Variants in FLVCR2 observed in about 807,000 individuals in gnomAD.
FLVCR2 encodes the protein choline/ethanolamine transporter FLVCR2.
FLVCR2 carries 38 observed loss-of-function variants against 48.9 expected under a neutral mutation model. The ratio of observed to expected loss-of-function variants is 0.78; its 90% CI spans 0.60 to 1.02. The LOEUF is 1.02. Among genes scored for constraint, FLVCR2 ranks in the 50% least tolerant of loss-of-function variants. The probability of loss-of-function intolerance (pLI) is 0.00; values close to 1 mark genes in which losing one functional copy is unlikely to be tolerated. For missense variants in FLVCR2, 664 were observed against 663.3 expected (o/e 1.00, Z -0.01); for synonymous variants, 255 against 257.0 (o/e 0.99, Z 0.07).
rs754536281 is a variant in FLVCR2, at chr14:75,646,508, C to T, written c.*36C>T. 1 of 1,441,556 alleles carries T rather than the reference C, an allele frequency of 6.9e-7. No individual in the cohort carries two copies. Among genetic ancestry groups the T allele is most frequent in the South Asian group, 1.1e-5 (1 of 87,600 alleles). 89.3% of individuals were successfully genotyped at this position (1,441,556 alleles called of 1,614,324 possible). On this transcript the variant is annotated 3_prime_UTR_variant, in exon 10 of 10. Transcript: ENST00000238667. ...GTGACAACTCAGGGAACACGAACAC[C>T]CCACCTTTTCCTTCAGCACAGCTCT...
intron 1 of FLVCR2, among the ~76,000 whole-genome samples, chr14:75,615,877 A>AAT (rs1251717799): frequency 6.7e-6 from 1 of 150,106 alleles, no homozygotes; most frequent in African/African-American, 2.4e-5. Flanking sequence ...AAAAAAAAAA[A>AAT]TTAGCCAGAT....
intron 1 of FLVCR2, among the ~76,000 whole-genome samples, chr14:75,620,151 A>T (rs1242186439): frequency 1.3e-5 from 2 of 152,196 alleles, no homozygotes; most frequent in Non-Finnish European, 2.9e-5. Context: ...CCAGCTATGA[A>T]GAAGGTTGCA....
In FLVCR2 at chr14:75,579,494, G is replaced by A. The variant is rs376106908; in HGVS notation, c.522G>A (p.Pro174=). The A allele has an allele frequency of 2.5e-6, 4 of 1,612,806 alleles. No individual in the cohort carries two copies. Among genetic ancestry groups the A allele is most frequent in the Middle Eastern group, 1.7e-4 (1 of 6,058 alleles). ...GAWVKLGSLK[P]HLFPVTVVGQ... is the part of the protein sequence containing the mutation. ...GGGTGAAGCTGGGCAGCCTGAAGCCGCATCTCTTTCCGGTCACCGTGGTGG... is the reference window on the plus strand; with the variant it reads ...GGGTGAAGCTGGGCAGCCTGAAGCCACATCTCTTTCCGGTCACCGTGGTGG... The change falls in exon 1 of 10, where the codon CCG becomes CCA. Residue 174 remains proline, a synonymous_variant. Coordinates refer to ENST00000238667, the MANE Select transcript of FLVCR2 (RefSeq NM_017791.3).
At chr14:75,615,613 T>G (rs563948731) in intron 1 of FLVCR2, among the ~76,000 whole-genome samples, 1 of 152,124 alleles carries the variant, frequency 6.6e-6, no homozygotes, top group Admixed American at 6.5e-5. Flanking sequence ...GGGCCGAGAT[T>G]TGAATTGAGA....
chr14:75,629,706 CTGTTGAAAAGAAT>C (rs1217254610), intron 3 of FLVCR2, among the ~76,000 whole-genome samples: 2 of 152,234 alleles, frequency 1.3e-5, no homozygotes, highest in Non-Finnish European at 2.9e-5. Context: ...AACAACTGCC[CTGTTGAAAAGAAT>C]TGTTGAAAAG....
chr14:75,635,038 G>A, intron 5 of FLVCR2, 25 bp downstream of exon 5: 1 of 1,421,750 alleles, frequency 7.0e-7, no homozygotes, highest in Admixed American at 1.7e-5. Flanking sequence ...CTCTTGGACT[G>A]AGAATTGGGG....
At chr14:75,594,794 ACCT>A (rs1888975936) in intron 1 of FLVCR2, among the ~76,000 whole-genome samples, 1 of 151,724 alleles carries the variant, frequency 6.6e-6, no homozygotes, top group Non-Finnish European at 1.5e-5. Flanking sequence ...AACACAGCTC[ACCT>A]CAGCCCCAAC....
At chr14:75,618,890 T>G (rs977615067) in intron 1 of FLVCR2, among the ~76,000 whole-genome samples, 3 of 151,934 alleles carry the variant, frequency 2.0e-5, no homozygotes, top group South Asian at 4.2e-4. Flanking sequence ...GCAGGGTTTT[T>G]TTTTTTTTTT....
chr14:75,579,061 A>C lies in FLVCR2; in HGVS notation c.89A>C (p.His30Pro). The C allele has an allele frequency of 6.2e-7, 1 of 1,604,706 alleles. No individual in the cohort carries two copies. Among genetic ancestry groups the C allele is most frequent in the Non-Finnish European group, 8.5e-7 (1 of 1,173,172 alleles). Residue 30 changes from histidine (H) to proline (P), a missense_variant, in exon 1 of 10, where the codon CAT becomes CCT. Physicochemically the swap from His to Pro is moderately conservative, Grantham distance 77 (BLOSUM62 -2). Coordinates refer to ENST00000238667, the MANE Select transcript of FLVCR2 (RefSeq NM_017791.3). ...CAAGCGGACCCCAGCGTCTCGGTCC[A>C]TCCCAGCGTCTCGGTCCATCCCAGC... ...ALQADPSVSV[H>P]PSVSVHPSVS...
intron 1 of FLVCR2, among the ~76,000 whole-genome samples, chr14:75,621,478 A>G (rs1348155734): frequency 6.6e-6 from 1 of 151,918 alleles, no homozygotes; most frequent in African/African-American, 2.4e-5. Flanking sequence ...GTTTATAGCC[A>G]TTTTTTACGT....
chr14:75,624,612 T>C lies in FLVCR2; in HGVS notation c.812T>C (p.Val271Ala), dbSNP rs1267502395. 2 of 1,613,960 alleles carry C rather than the reference T, an allele frequency of 1.2e-6. No individual in the cohort carries two copies. The highest frequency in any genetic ancestry group is 2.7e-5 in the African/African-American group (2 of 74,890). ...GCCATCTCTGTTTTTTTCCTTTCAGTGTTCAAGGAGAAACCTAAATATCCC... is the reference window on the plus strand; with the variant it reads ...GCCATCTCTGTTTTTTTCCTTTCAGCGTTCAAGGAGAAACCTAAATATCCC... ...ATLLLILVII[V>A]FKEKPKYPPS... The change falls in exon 3 of 10, where the codon GTG (valine) becomes GCG (alanine). Residue 271 changes from valine (V) to alanine (A), a missense_variant and splice_region_variant. Transcript: ENST00000238667.
At chr14:75,623,379 T>C (rs1006165861) in intron 2 of FLVCR2, among the ~76,000 whole-genome samples, 3 of 152,208 alleles carry the variant, frequency 2.0e-5, no homozygotes, top group Non-Finnish European at 4.4e-5. Context: ...GGTGATATTA[T>C]ATGGGCTATG....
chr14:75,600,883 AAAAAC>A (rs1299699522), intron 1 of FLVCR2, among the ~76,000 whole-genome samples: 1 of 152,140 alleles, frequency 6.6e-6, no homozygotes, highest in South Asian at 2.1e-4. Context: ...CCGCAAAAAA[AAAAAC>A]AAACAAACAA....
rs562351508 is a variant in FLVCR2, at chr14:75,630,244, A to G, written c.953-3385A>G. ...ATCCCAGATAATTCTGACTTGCAGC[A>G]GAGTTGAGAACCTCTGAGGTAGCTG... On this transcript the variant is annotated intron_variant, in intron 3 of 9. Coordinates refer to ENST00000238667, the MANE Select transcript of FLVCR2 (RefSeq NM_017791.3). Among the ~76,000 whole-genome samples, 8 of 152,300 alleles carry G rather than the reference A, an allele frequency of 5.3e-5. No homozygotes were observed. The East Asian group carries it at 9.6e-4, about 18-fold the overall frequency.
In FLVCR2 at chr14:75,578,848, T is replaced by C; in HGVS notation, c.-125T>C. 3 of 874,782 alleles carry C rather than the reference T, an allele frequency of 3.4e-6. No individual in the cohort carries two copies. Among genetic ancestry groups the C allele is most frequent in the Non-Finnish European group, 5.5e-6 (3 of 540,744 alleles). 54.2% of individuals were successfully genotyped at this position (874,782 alleles called of 1,614,324 possible). A position where few individuals can be genotyped will look rare whatever the true frequency, so the allele number is the denominator to read the frequency against. ...CCACTTGAGGCTTTTACGCAGCCTC[T>C]AGTCTCTGTTTCTTCTGGAATAGGC... On this transcript the variant is annotated 5_prime_UTR_variant, in exon 1 of 10. Transcript: ENST00000238667.
intron 1 of FLVCR2, among the ~76,000 whole-genome samples, chr14:75,600,903 A>G (rs963349949): frequency 9.2e-5 from 14 of 152,070 alleles, no homozygotes; most frequent in Admixed American, 3.9e-4. Context: ...AAACAATCCA[A>G]TTTAAAAATG....
At chr14:75,605,384 A>C in intron 1 of FLVCR2, 20 of 1,304,946 alleles carry the variant, frequency 1.5e-5, no homozygotes, top group South Asian at 3.3e-5. Context: ...TTGATTCTAC[A>C]GAGCTAAGGG....
At position 75,579,318 on chromosome 14, in the gene FLVCR2, T is replaced by C; in HGVS notation, c.346T>C (p.Tyr116His). The change falls in exon 1 of 10, where the codon TAC becomes CAC. Residue 116 changes from tyrosine to histidine, a missense_variant. By Grantham distance (83) the Tyr-to-His change is moderately conservative. Transcript: ENST00000238667. ...GSINNIFMHFYGVSAFAIDWL... is the reference protein window; with the variant it reads ...GSINNIFMHFHGVSAFAIDWL... Reference sequence around the variant, plus strand: ...CATCAATAACATCTTCATGCACTTCTACGGTGTCAGTGCCTTTGCCATTGA... The same window carrying C: ...CATCAATAACATCTTCATGCACTTCCACGGTGTCAGTGCCTTTGCCATTGA... 2 of 1,614,236 alleles carry C rather than the reference T, an allele frequency of 1.2e-6. No homozygotes were observed. Among genetic ancestry groups the C allele is most frequent in the African/African-American group, 1.3e-5 (1 of 75,062 alleles).
intron 1 of FLVCR2, among the ~76,000 whole-genome samples, chr14:75,611,284 G>T (rs1020420781): frequency 2.6e-5 from 4 of 152,358 alleles, no homozygotes; most frequent in African/African-American, 9.6e-5. Flanking sequence ...ATATGAGACT[G>T]GAGGGAGTGT....
Sources: gnomAD v4.1 joint callset for allele counts (sites outside exome capture counted in the v4.1 genomes callset) on GRCh38, gnomAD v4.1.1 for gene constraint, MANE v1.5 for transcripts, NCBI Gene and HGNC (gene_info 2026-07-23, HGNC 2026-07-21) for gene names.